SSPN: variants seen among roughly 807,000 people sequenced by gnomAD.
SSPN encodes the protein K-ras oncogene-associated protein.
Under a neutral mutation model 19.1 loss-of-function variants are expected in SSPN, and 15 were observed. The observed-to-expected ratio is 0.78, with a 90% CI of 0.52 to 1.21. The LOEUF (loss-of-function observed/expected upper bound fraction) is 1.21, where lower values mean the gene tolerates loss of function less well. SSPN is among the 50% of genes most tolerant of loss of function. The pLI is 0.00. For missense variants in SSPN, 291 were observed against 314.0 expected, an observed-to-expected ratio of 0.93 and a Z score of 0.55; for synonymous variants, 147 against 140.3, an observed-to-expected ratio of 1.05 and a Z score of -0.34.
intron 1 of SSPN, among the ~76,000 whole-genome samples, chr12:26,155,629 T>G (rs977469817): frequency 1.3e-4 from 20 of 152,148 alleles, no homozygotes; most frequent in Non-Finnish European, 4.4e-5. Context: ...AGAGTTAATC[T>G]GAAAGAGGAA....
Position 26,231,647 on chromosome 12 carries a change from A to T in SSPN, c.*571A>T, listed in dbSNP as rs1359458283. 6.5e-6 allele frequency: 1 copy of T among 153,048 alleles called. No homozygotes were observed. The highest frequency in any genetic ancestry group is 1.5e-5 in the Non-Finnish European group (1 of 68,778). The allele number at this position is 153,048 out of a possible 1,614,324, so 9.5% of individuals were successfully genotyped here. Reference sequence around the variant, plus strand: ...CGGAAGAGGCTTTGCAAAAGGCTAGATAACTAACAACACCTGGGTTGGGGC... The same window carrying T: ...CGGAAGAGGCTTTGCAAAAGGCTAGTTAACTAACAACACCTGGGTTGGGGC... On this transcript the variant is annotated 3_prime_UTR_variant, in exon 3 of 3. Transcript: ENST00000242729.
At chr12:26,206,531 T>A (rs907199180) in intron 1 of SSPN, among the ~76,000 whole-genome samples, 23 of 152,180 alleles carry the variant, frequency 1.5e-4, no homozygotes, top group Admixed American at 1.5e-3. Flanking sequence ...TATAGAATTA[T>A]CTCTGCAGTC....
chr12:26,147,310 T>C (rs2137411944), intron 1 of SSPN, among the ~76,000 whole-genome samples: 1 of 151,922 alleles, frequency 6.6e-6, no homozygotes, highest in Middle Eastern at 3.4e-3. Context: ...TCTTGCTCTG[T>C]AGCCTAGGCT....
At chr12:26,203,737 A>C (rs908950438) in intron 1 of SSPN, among the ~76,000 whole-genome samples, 8 of 152,198 alleles carry the variant, frequency 5.3e-5, no homozygotes, top group African/African-American at 1.9e-4. Context: ...AGACTGGGTG[A>C]CTTAAACAGC....
chr12:26,215,008 C>G (rs761761653), intron 1 of SSPN, among the ~76,000 whole-genome samples: 3 of 152,158 alleles, frequency 2.0e-5, no homozygotes, highest in Non-Finnish European at 4.4e-5. Context: ...GTCAGCTGCT[C>G]ATATTCACAT....
intron 1 of SSPN, among the ~76,000 whole-genome samples, chr12:26,142,137 G>A (rs771856278): frequency 1.3e-5 from 2 of 152,152 alleles, no homozygotes; most frequent in African/African-American, 2.4e-5. Flanking sequence ...ATGAAAGTTA[G>A]GAAGGTGTCT....
At chr12:26,224,794 C>T (rs1429675947) in intron 2 of SSPN, among the ~76,000 whole-genome samples, 1 of 151,882 alleles carries the variant, frequency 6.6e-6, no homozygotes, top group Non-Finnish European at 1.5e-5. Context: ...AGAAAAAGTA[C>T]ATTGGGCGCA....
Position 26,174,079 on chromosome 12 carries a change from A to G in SSPN, c.-30-50214A>G, listed in dbSNP as rs533354550. ...AAAGCATCCCAGGGAGGAAATGGCC[A>G]GGGTTTCGTCAGTCACCAAGAAGAT... On this transcript the variant is annotated intron_variant, in intron 1 of 2. Coordinates refer to the SSPN transcript ENST00000538142. Among the ~76,000 whole-genome samples the G allele has an allele frequency of 3.5e-4, 54 of 152,338 alleles. No homozygotes were observed. The East Asian group carries it at 0.01, about 28-fold the overall frequency.
chr12:26,123,855 T>G lies in SSPN; in HGVS notation c.-31+1703T>G, dbSNP rs1944337167. ...AGCAAACACTTTGAAAGAAGTACTG[T>G]TCTTTTACTTCTTGAGCTTTCCACA... On this transcript the variant is annotated intron_variant, in intron 1 of 2. Coordinates refer to the SSPN transcript ENST00000538142. The G allele has an allele frequency of 6.2e-6, 5 of 811,896 alleles. No individual in the cohort carries two copies. The Admixed American group carries it at 9.1e-5, about 15-fold the overall frequency. The allele number at this position is 811,896 out of a possible 1,614,324, so 50.3% of individuals were successfully genotyped here.
At chr12:26,172,362 T>C (rs1184834160) in intron 1 of SSPN, among the ~76,000 whole-genome samples, 4 of 152,152 alleles carry the variant, frequency 2.6e-5, no homozygotes, top group African/African-American at 7.2e-5. Flanking sequence ...TGGAGGTAAA[T>C]ATCCACCCTT....
At chr12:26,221,168 C>T (rs998611500) in intron 1 of SSPN, among the ~76,000 whole-genome samples, 3 of 152,170 alleles carry the variant, frequency 2.0e-5, no homozygotes, top group African/African-American at 7.2e-5. Context: ...CAAATGTTTA[C>T]TCTGCCTTTC....
intron 2 of SSPN, among the ~76,000 whole-genome samples, chr12:26,230,396 G>T (rs1945217203): frequency 6.6e-6 from 1 of 152,188 alleles, no homozygotes; most frequent in South Asian, 2.1e-4. Flanking sequence ...TAGCTTGTTT[G>T]GGATTCATCT....
chr12:26,205,937 G>A (rs1342429797), intron 1 of SSPN, among the ~76,000 whole-genome samples: 1 of 152,180 alleles, frequency 6.6e-6, no homozygotes, highest in Non-Finnish European at 1.5e-5. Flanking sequence ...CAAGTAGTTT[G>A]AGAAGCCTCT....
At chr12:26,175,839 GTTTT>G (rs57740060) in intron 1 of SSPN, among the ~76,000 whole-genome samples, 1 of 139,450 alleles carries the variant, frequency 7.2e-6, no homozygotes. Flanking sequence ...TTTATTTTGA[GTTTT>G]TTTTTTTTTT....
intron 1 of SSPN, among the ~76,000 whole-genome samples, chr12:26,177,864 G>A (rs17380416): frequency 0.039 from 5,951 of 152,208 alleles, 156 homozygotes; most frequent in South Asian, 0.078. Flanking sequence ...TCTCTCACGT[G>A]TATCATGACT....
chr12:26,122,131 C>G (rs1380018393), exon 1 of SSPN: 6 of 1,548,768 alleles, frequency 3.9e-6, no homozygotes, highest in African/African-American at 1.4e-5. Flanking sequence ...TTCCCCGGCT[C>G]GCGGGGCCCG....
intron 1 of SSPN, among the ~76,000 whole-genome samples, chr12:26,137,652 ATATATTTTTTTTTT>A (rs1372410997): frequency 0.011 from 590 of 51,638 alleles, 42 homozygotes; most frequent in African/African-American, 0.048. Flanking sequence ...ATATATATAT[ATATATTTTTTTTTT>A]TTTTTTTTTT....
Position 26,170,008 on chromosome 12 carries a change from T to C in SSPN, c.-31+47856T>C, listed in dbSNP as rs185107508. Among the ~76,000 whole-genome samples, 684 of 152,110 alleles carry C rather than the reference T, an allele frequency of 4.5e-3. 2 individuals carry two copies. The highest frequency in any genetic ancestry group is 0.015 in the African/African-American group (618 of 41,486). On this transcript the variant is annotated intron_variant, in intron 1 of 2. Coordinates refer to the SSPN transcript ENST00000538142. ...GGGTTCCAGAGGTGGAGAGAGAACT[T>C]GTAGAGAGGTGACTTCTGAGCACCA...
intron 1 of SSPN, among the ~76,000 whole-genome samples, chr12:26,182,741 A>G (rs1400274179): frequency 6.7e-6 from 1 of 148,624 alleles, no homozygotes; most frequent in East Asian, 2.0e-4. Flanking sequence ...GCTTTTAAAT[A>G]TGTGGAGTCT....
Sources: gnomAD v4.1 joint callset for allele counts (sites outside exome capture counted in the v4.1 genomes callset) on GRCh38, gnomAD v4.1.1 for gene constraint, MANE v1.5 for transcripts, NCBI Gene and HGNC (gene_info 2026-07-23, HGNC 2026-07-21) for gene names.